SEC23IP: variants seen among roughly 807,000 people sequenced by gnomAD.
The protein encoded by SEC23IP is SEC23-interacting protein.
A neutral mutation model predicts 113.4 loss-of-function variants in SEC23IP; 70 were observed. The ratio of observed to expected loss-of-function variants is 0.62; its 90% CI spans 0.51 to 0.75. The LOEUF (loss-of-function observed/expected upper bound fraction) is 0.75. Ranked by LOEUF, SEC23IP falls within the 30% of genes least tolerant of loss-of-function variation. The pLI, the probability that SEC23IP is intolerant of heterozygous loss-of-function variation, is 0.00. For synonymous variants in SEC23IP, 398 were observed against 421.0 expected, an observed-to-expected ratio of 0.95 and a Z score of 0.67; for missense variants, 1,160 against 1,204.9, an observed-to-expected ratio of 0.96 and a Z score of 0.55.
chr10:119,933,593 T>C, intron 17 of SEC23IP, 93 bp from the exon 18 acceptor site: 2 of 705,412 alleles, frequency 2.8e-6, no homozygotes, highest in Non-Finnish European at 2.5e-6. Context: ...TAGATAGAGT[T>C]GAATAGAATA....
At chr10:119,911,835 A>G (rs970993787) in intron 5 of SEC23IP, among the ~76,000 whole-genome samples, 2 of 152,222 alleles carry the variant, frequency 1.3e-5, no homozygotes, top group Admixed American at 1.3e-4. Context: ...AATTTTCAAC[A>G]TAAGCATTGG....
At chr10:119,936,911 G>A (rs531089206) in intron 18 of SEC23IP, among the ~76,000 whole-genome samples, 13 of 150,494 alleles carry the variant, frequency 8.6e-5, no homozygotes, top group African/African-American at 2.4e-4. Context: ...TTTTTAAGAC[G>A]GAGTCTTGCT....
Position 119,928,685 on chromosome 10 carries a change from A to G in SEC23IP, c.2314-922A>G, listed in dbSNP as rs534845279. On this transcript the variant is annotated intron_variant, in intron 13 of 18. Transcript: ENST00000369075. Reference sequence around the variant, plus strand: ...GCTTCACTCTCAAGATACTAAAATAAAAAGACACATTTCCTGCTACTGAGA... The same window carrying G: ...GCTTCACTCTCAAGATACTAAAATAGAAAGACACATTTCCTGCTACTGAGA... 1.3e-4 allele frequency among the ~76,000 whole-genome samples: 20 copies of G among 152,346 alleles called. No individual in the cohort carries two copies. In the East Asian group the frequency reaches 3.7e-3, roughly 28 times the overall value.
rs759686937 is a variant in SEC23IP at position 119,926,027 on chromosome 10, A to AT, written c.2122-5dup. 1.8e-5 allele frequency: 29 copies of AT among 1,603,438 alleles called. No individual in the cohort carries two copies. In the African/African-American group the frequency reaches 3.9e-4, roughly 22 times the overall value. On this transcript the variant is annotated splice_polypyrimidine_tract_variant and intron_variant, in intron 12 of 18. Transcript: ENST00000369075. ...CATGATTATGTTACTAAATTTTGGTATTTTACAGAAAAAAGCAGCGTCAGA... is the reference window on the plus strand; with the variant it reads ...CATGATTATGTTACTAAATTTTGGTATTTTTACAGAAAAAAGCAGCGTCAGA...
chr10:119,892,818 C>T lies in SEC23IP; in HGVS notation c.36C>T (p.Gly12=), dbSNP rs767112256. Residue 12 remains glycine, a synonymous_variant, in exon 1 of 19, where the codon GGC becomes GGT. Transcript: ENST00000369075. ...GAAAACCTAACGGTGGCAGCGGCGG[C>T]GCCTCCACTTCCTCATCGGGCACTA... is the stretch of plus-strand genomic sequence containing the variant. ...AERKPNGGSG[G]ASTSSSGTNL... 5 of 1,612,530 alleles carry T rather than the reference C, an allele frequency of 3.1e-6. No homozygotes were observed. The highest frequency in any genetic ancestry group is 1.1e-5 in the South Asian group (1 of 90,856).
intron 6 of SEC23IP, among the ~76,000 whole-genome samples, chr10:119,913,222 T>C (rs924110613): frequency 1.6e-5 from 2 of 128,572 alleles, no homozygotes; most frequent in Non-Finnish European, 3.2e-5. Flanking sequence ...ACATACCACA[T>C]AGTATAGATT....
At chr10:119,911,728 G>A (rs924437287) in intron 5 of SEC23IP, among the ~76,000 whole-genome samples, 6 of 152,114 alleles carry the variant, frequency 3.9e-5, no homozygotes, top group Non-Finnish European at 7.3e-5. Context: ...TCCCACCTCA[G>A]CCTCCCAAAG....
At position 119,933,117 on chromosome 10, in the gene SEC23IP, A is replaced by G. The variant is rs754954332; in HGVS notation, c.2871A>G (p.Ile957Met). 1 of 1,614,060 alleles carries G rather than the reference A, an allele frequency of 6.2e-7. No individual in the cohort carries two copies. The highest frequency in any genetic ancestry group is 8.5e-7 in the Non-Finnish European group (1 of 1,179,892). ...RIDYVLQEKPIESFNEYLFAL... is the reference protein window; with the variant it reads ...RIDYVLQEKPMESFNEYLFAL... ...ACTACGTTCTCCAAGAAAAACCAATAGAGAGTTTTAATGAATACCTTTTCG... is the reference window on the plus strand; with the variant it reads ...ACTACGTTCTCCAAGAAAAACCAATGGAGAGTTTTAATGAATACCTTTTCG... The change falls in exon 17 of 19, where the codon ATA (isoleucine) becomes ATG (methionine). Residue 957 changes from isoleucine to methionine, a missense_variant. Physicochemically the swap from Ile to Met is conservative, Grantham distance 10. Coordinates refer to ENST00000369075, the MANE Select transcript of SEC23IP (RefSeq NM_007190.4).
At chr10:119,917,759 A>G (rs374573110) in intron 8 of SEC23IP, 77 bp from the exon 9 acceptor site, 2 of 1,119,396 alleles carry the variant, frequency 1.8e-6, no homozygotes, top group South Asian at 1.5e-5. Flanking sequence ...TCAGGAGTCA[A>G]AAATCTAAAC....
Position 119,942,674 on chromosome 10 carries a change from A to G in SEC23IP, c.*2109A>G, listed in dbSNP as rs868782304. ...ATGTGTAGAGTTTGGCACAAAAAGT[A>G]AAAAGCGCCAGCATCTGAAGTCAAA... On this transcript the variant is annotated 3_prime_UTR_variant, in exon 19 of 19. Coordinates refer to ENST00000369075, the MANE Select transcript of SEC23IP (RefSeq NM_007190.4). 9 of 152,228 alleles carry G rather than the reference A, an allele frequency of 5.9e-5. No homozygotes were observed. Among genetic ancestry groups the G allele is most frequent in the African/African-American group, 1.9e-4 (8 of 41,464 alleles). 9.4% of individuals were successfully genotyped at this position (152,228 alleles called of 1,614,324 possible). A position where few individuals can be genotyped will look rare whatever the true frequency, so the allele number is the denominator to read the frequency against.
intron 14 of SEC23IP, 74 bp from the exon 15 acceptor site, chr10:119,930,255 C>A: frequency 1.3e-6 from 1 of 750,480 alleles, no homozygotes; most frequent in Non-Finnish European, 2.1e-6. Flanking sequence ...CATTTTCTTA[C>A]CCAGCGAAGG....
chr10:119,909,085 A>C lies in SEC23IP; in HGVS notation c.1146A>C (p.Arg382Ser). ...KAVTTNQWHR[R>S]LEFPSGETIV... is the part of the protein sequence containing the mutation. The stretch of plus-strand genomic sequence containing the variant: ...TAACCACTAATCAGTGGCACCGAAG[A>C]TTAGAGTTTCCAAGTGGAGAGACAA... Residue 382 changes from arginine to serine, a missense_variant, in exon 5 of 19, where the codon AGA (arginine) becomes AGC (serine). By Grantham distance (110) the Arg-to-Ser change is moderately radical (BLOSUM62 -1). Coordinates refer to ENST00000369075, the MANE Select transcript of SEC23IP (RefSeq NM_007190.4). The C allele has an allele frequency of 6.2e-7, 1 of 1,613,428 alleles. No homozygotes were observed. The highest frequency in any genetic ancestry group is 1.1e-5 in the South Asian group (1 of 90,900).
intron 12 of SEC23IP, among the ~76,000 whole-genome samples, chr10:119,925,486 A>G (rs1262498096): frequency 6.6e-6 from 1 of 152,156 alleles, no homozygotes; most frequent in Non-Finnish European, 1.5e-5. Flanking sequence ...ACATCATGAC[A>G]TTTGTTCCCT....
At chr10:119,923,913 C>G (rs1215677443) in intron 12 of SEC23IP, among the ~76,000 whole-genome samples, 1 of 152,192 alleles carries the variant, frequency 6.6e-6, no homozygotes, top group Non-Finnish European at 1.5e-5. Flanking sequence ...TTTAACAAAG[C>G]AACTCTTGGC....
chr10:119,940,835 A>G lies in SEC23IP; in HGVS notation c.*270A>G, dbSNP rs1855943429. ...TAAAAATGATGCCATGAAAAATTCC[A>G]CAGATCAGTTTAGTTGTATAGTTGT... On this transcript the variant is annotated 3_prime_UTR_variant, in exon 19 of 19. Transcript: ENST00000369075. 6.6e-6 allele frequency: 1 copy of G among 152,212 alleles called. No individual in the cohort carries two copies. The highest frequency in any genetic ancestry group is 2.4e-5 in the African/African-American group (1 of 41,452). 9.4% of individuals were successfully genotyped at this position (152,212 alleles called of 1,614,324 possible).
chr10:119,894,890 GTC>G (rs1204449757), intron 1 of SEC23IP, among the ~76,000 whole-genome samples: 7 of 122,868 alleles, frequency 5.7e-5, no homozygotes, highest in Non-Finnish European at 8.3e-5. Context: ...CTTGGAGACA[GTC>G]TGTGTGTGTG....
At position 119,918,386 on chromosome 10, in the gene SEC23IP, T is replaced by G; in HGVS notation, c.1754-7T>G. 3.9e-6 allele frequency: 6 copies of G among 1,538,668 alleles called. No individual in the cohort carries two copies. Among genetic ancestry groups the G allele is most frequent in the Non-Finnish European group, 5.4e-6 (6 of 1,114,182 alleles). On this transcript the variant is annotated splice_polypyrimidine_tract_variant and splice_region_variant and intron_variant, in intron 9 of 18. Transcript: ENST00000369075. ...ACATTATAAGGCAAAATGTTTCTTT[T>G]TCATAGGTTCTTTAATATTGTTTGA...
At chr10:119,903,884 C>A (rs1306306471) in intron 3 of SEC23IP, among the ~76,000 whole-genome samples, 200 bp from the exon 4 acceptor site, 1 of 152,154 alleles carries the variant, frequency 6.6e-6, no homozygotes, top group African/African-American at 2.4e-5. Flanking sequence ...CCACGCCTGG[C>A]TAATTGTTGT....
chr10:119,911,948 A>T, intron 5 of SEC23IP, 96 bp from the exon 6 acceptor site: 1 of 1,408,586 alleles, frequency 7.1e-7, no homozygotes, highest in Non-Finnish European at 9.8e-7. Flanking sequence ...AACTCTCCGT[A>T]CTCTGAGGTA....
Sources: allele counts gnomAD v4.1 joint callset (sites outside exome capture counted in the v4.1 genomes callset), GRCh38; gene constraint gnomAD v4.1.1; transcripts MANE v1.5; gene names NCBI Gene and HGNC (gene_info 2026-07-23, HGNC 2026-07-21).